Variants in CDH10 observed in about 807,000 individuals in gnomAD.
CDH10 encodes cadherin 10, also known as cadherin-10.
CDH10 carries 30 observed loss-of-function variants against 73.1 expected under a neutral mutation model. The ratio of observed to expected loss-of-function variants is 0.41; its 90% CI spans 0.31 to 0.56. CDH10 has a LOEUF of 0.56. Ranked by LOEUF, CDH10 falls within the 20% of genes least tolerant of loss-of-function variation. The pLI, the probability that CDH10 is intolerant of heterozygous loss-of-function variation, is 0.27. For synonymous variants in CDH10, 345 were observed against 348.2 expected, an observed-to-expected ratio of 0.99 and a Z score of 0.10; for missense variants, 815 against 973.7, an observed-to-expected ratio of 0.84 and a Z score of 2.17.
chr5:24,514,647 A>G (rs901205042), intron 5 of CDH10, among the ~76,000 whole-genome samples: 7 of 152,144 alleles, frequency 4.6e-5, no homozygotes, highest in Non-Finnish European at 7.4e-5. Context: ...CACTGCCCCA[A>G]TGAAAGCACT....
intron 5 of CDH10, among the ~76,000 whole-genome samples, chr5:24,530,326 G>C (rs1270897713): frequency 6.6e-6 from 1 of 151,852 alleles, no homozygotes; most frequent in Admixed American, 6.6e-5. Context: ...AAACCTTTTG[G>C]AAACAAATAC....
At chr5:24,618,870 T>C (rs1007185562) in intron 1 of CDH10, among the ~76,000 whole-genome samples, 3 of 152,204 alleles carry the variant, frequency 2.0e-5, no homozygotes, top group East Asian at 1.9e-4. Flanking sequence ...CCTAGAGGCA[T>C]TGTATATTAT....
At chr5:24,596,639 A>G (rs1181647043) in intron 1 of CDH10, among the ~76,000 whole-genome samples, 2 of 152,012 alleles carry the variant, frequency 1.3e-5, no homozygotes, top group African/African-American at 4.8e-5. Flanking sequence ...AATTTTTAAA[A>G]CATCATTTTG....
chr5:24,565,847 G>A (rs971403005), intron 2 of CDH10, among the ~76,000 whole-genome samples: 3 of 151,954 alleles, frequency 2.0e-5, no homozygotes, highest in African/African-American at 7.2e-5. Context: ...TGCAAGTCAG[G>A]AAGACAGCAT....
At chr5:24,616,071 T>TA (rs1158189907) in intron 1 of CDH10, among the ~76,000 whole-genome samples, 1 of 150,104 alleles carries the variant, frequency 6.7e-6, no homozygotes, top group East Asian at 1.9e-4. Flanking sequence ...TTATGTTCTT[T>TA]AAAAAAAGTA....
intron 5 of CDH10, among the ~76,000 whole-genome samples, chr5:24,523,301 A>G (rs933319991): frequency 3.3e-5 from 5 of 152,176 alleles, no homozygotes; most frequent in African/African-American, 1.2e-4. Flanking sequence ...TGTGAGAATT[A>G]GAGCTATAGA....
intron 2 of CDH10, among the ~76,000 whole-genome samples, chr5:24,562,531 C>A (rs1477032935): frequency 6.6e-6 from 1 of 151,950 alleles, no homozygotes; most frequent in East Asian, 1.9e-4. Flanking sequence ...TTATGATATA[C>A]CCTACGGAAA....
intron 1 of CDH10, among the ~76,000 whole-genome samples, chr5:24,595,848 C>T (rs186654920): frequency 2.2e-4 from 34 of 151,904 alleles, no homozygotes; most frequent in Non-Finnish European, 7.4e-5. Context: ...GCCTACTCAC[C>T]AATGTTTTGG....
At chr5:24,498,197 T>C (rs1335983466) in intron 9 of CDH10, among the ~76,000 whole-genome samples, 1 of 152,212 alleles carries the variant, frequency 6.6e-6, no homozygotes, top group East Asian at 1.9e-4. Flanking sequence ...ATTAGAACTT[T>C]ACAAAGGAAA....
At chr5:24,493,462 A>C (rs1482605423) in intron 9 of CDH10, among the ~76,000 whole-genome samples, 2 of 151,896 alleles carry the variant, frequency 1.3e-5, no homozygotes, top group African/African-American at 4.8e-5. Flanking sequence ...AGCATATATA[A>C]TATGTGTGAA....
intron 1 of CDH10, among the ~76,000 whole-genome samples, chr5:24,619,677 T>C (rs74848382): frequency 6.6e-6 from 1 of 152,196 alleles, no homozygotes; most frequent in African/African-American, 2.4e-5. Flanking sequence ...AATATTTATG[T>C]TCCTAAAACA....
chr5:24,490,383 C>T (rs1310839781), intron 11 of CDH10, among the ~76,000 whole-genome samples: 1 of 151,686 alleles, frequency 6.6e-6, no homozygotes, highest in East Asian at 1.9e-4. Flanking sequence ...TTTTGTAGTA[C>T]AGAGAAAAGT....
In CDH10 at chr5:24,505,058, T is replaced by C. The variant is rs1391588029; in HGVS notation, c.1393+54A>G. The C allele has an allele frequency of 2.4e-6, 3 of 1,224,500 alleles. No individual in the cohort carries two copies. The East Asian group carries it at 7.4e-5, about 30-fold the overall frequency. The allele number at this position is 1,224,500 out of a possible 1,614,324, so 75.9% of individuals were successfully genotyped here. A position where few individuals can be genotyped will look rare whatever the true frequency, so the allele number is the denominator to read the frequency against. On this transcript the variant is annotated intron_variant, in intron 8 of 11. Transcript: ENST00000264463. ...ATAAAATATGTTAAACTGCATAAAA[T>C]ATATAAACATAAACATATCTAGATA...
intron 1 of CDH10, chr5:24,612,648 C>G (rs1746988980): frequency 1.3e-5 from 2 of 151,990 alleles, no homozygotes; most frequent in Admixed American, 1.3e-4. Context: ...AACACACTTG[C>G]CATTAGAAAG....
At chr5:24,643,971 C>G (rs908007864) in intron 1 of CDH10, among the ~76,000 whole-genome samples, 1 of 152,128 alleles carries the variant, frequency 6.6e-6, no homozygotes, top group Non-Finnish European at 1.5e-5. Context: ...CTCTCTCCCC[C>G]CAATACTTCT....
At chr5:24,566,091 C>T (rs1364858034) in intron 2 of CDH10, among the ~76,000 whole-genome samples, 5 of 152,108 alleles carry the variant, frequency 3.3e-5, no homozygotes, top group Non-Finnish European at 2.9e-5. Context: ...CCCTCTTGCC[C>T]AGGCTGGAGT....
At chr5:24,521,887 G>A (rs942545892) in intron 5 of CDH10, among the ~76,000 whole-genome samples, 2 of 152,092 alleles carry the variant, frequency 1.3e-5, no homozygotes, top group Non-Finnish European at 2.9e-5. Flanking sequence ...TATAATCCCA[G>A]CACTTTGGGA....
At position 24,491,583 on chromosome 5, in the gene CDH10, A is replaced by G. The variant is rs937073345; in HGVS notation, c.1869T>C (p.Ile623=). 1 of 1,611,788 alleles carries G rather than the reference A, an allele frequency of 6.2e-7. No individual in the cohort carries two copies. Among genetic ancestry groups the G allele is most frequent in the Non-Finnish European group, 8.5e-7 (1 of 1,178,536 alleles). Residue 623 remains isoleucine (I), a synonymous_variant, in exon 11 of 12, where the codon ATT becomes ATC. Transcript: ENST00000264463. ...GTTTTTAAGGTTTCTTACCCAGTAG[A>G]ATGATGATGCAGAGGAGGATGGCGA... ...ALIAILLCII[I]LLVIVVLFAA... is the part of the protein sequence containing the mutation.
intron 5 of CDH10, among the ~76,000 whole-genome samples, chr5:24,529,339 A>G (rs924808519): frequency 1.4e-4 from 22 of 151,940 alleles, no homozygotes; most frequent in African/African-American, 5.1e-4. Context: ...CTTTAGTGTT[A>G]ATTTGATGGG....
Sources: gnomAD v4.1 joint callset for allele counts (sites outside exome capture counted in the v4.1 genomes callset) on GRCh38, gnomAD v4.1.1 for gene constraint, MANE v1.5 for transcripts, NCBI Gene and HGNC (gene_info 2026-07-23, HGNC 2026-07-21) for gene names.